CHD9: variants seen among roughly 807,000 people sequenced by gnomAD.
CHD9 encodes ATP-dependent chromatin remodeler CHD9.
In CHD9, 77 loss-of-function variants were observed where a neutral mutation model predicts 316.1. That is an observed-to-expected ratio of 0.24 (90% CI 0.20 to 0.29). CHD9 has a LOEUF of 0.29. Ranked by LOEUF, CHD9 falls within the 10% of genes least tolerant of loss-of-function variation. The pLI, the probability that CHD9 is intolerant of heterozygous loss-of-function variation, is 1.00. For missense variants in CHD9, 2,763 were observed against 3,438.1 expected, an observed-to-expected ratio of 0.80 and a Z score of 4.91; for synonymous variants, 1,129 against 1,158.3, an observed-to-expected ratio of 0.97 and a Z score of 0.51.
intron 19 of CHD9, among the ~76,000 whole-genome samples, chr16:53,257,749 T>G (rs1031998882): frequency 2.6e-5 from 4 of 151,970 alleles, no homozygotes. Flanking sequence ...TAGTAGAGAA[T>G]AAATCAGAAA....
intron 2 of CHD9, among the ~76,000 whole-genome samples, chr16:53,174,157 A>G (rs767817207): frequency 3.3e-5 from 5 of 152,114 alleles, no homozygotes; most frequent in African/African-American, 4.8e-5. Flanking sequence ...GGTGGCATGC[A>G]CCTGTAGTCC....
At chr16:53,202,530 ACTC>A (rs1346489705) in intron 2 of CHD9, among the ~76,000 whole-genome samples, 3 of 150,984 alleles carry the variant, frequency 2.0e-5, no homozygotes, top group Non-Finnish European at 4.4e-5. Context: ...AGTTTCCTAC[ACTC>A]TGGATTTTAC....
intron 1 of CHD9, among the ~76,000 whole-genome samples, chr16:53,122,855 C>T (rs1455291906): frequency 1.2e-4 from 18 of 151,728 alleles, no homozygotes; most frequent in Middle Eastern, 3.4e-3. Flanking sequence ...TATAGGCGCC[C>T]GCTACCACGC....
At chr16:53,102,394 T>G (rs1237129199) in intron 1 of CHD9, among the ~76,000 whole-genome samples, 2 of 152,020 alleles carry the variant, frequency 1.3e-5, no homozygotes. Context: ...AGTAAGATTT[T>G]TTCATAGTGC....
chr16:53,143,724 C>T (rs998905066), intron 1 of CHD9, among the ~76,000 whole-genome samples: 8 of 152,204 alleles, frequency 5.3e-5, no homozygotes, highest in Non-Finnish European at 1.0e-4. Flanking sequence ...AATAAAACAC[C>T]TAAGGATTTG....
At chr16:53,299,620 C>A in intron 30 of CHD9, 1 of 390,564 alleles carries the variant, frequency 2.6e-6, no homozygotes, top group South Asian at 2.2e-5. Context: ...AACAATGTGT[C>A]AAAATTGAGC....
rs1204092945 is a variant in CHD9, at chr16:53,130,928, G to C, written c.-164-24998G>C. The C allele has an allele frequency of 2.0e-5, 3 of 152,176 alleles. No homozygotes were observed. In the East Asian group the frequency reaches 5.9e-4, roughly 30 times the overall value. The allele number at this position is 152,176 out of a possible 1,614,324, so 9.4% of individuals were successfully genotyped here. A position where few individuals can be genotyped will look rare whatever the true frequency, so the allele number is the denominator to read the frequency against. On this transcript the variant is annotated intron_variant, in intron 1 of 38. Coordinates refer to ENST00000447540, the MANE Select transcript of CHD9 (RefSeq NM_001308319.2). ...GGAGTGCCGCTCGCAGGGGCTGGTGGGGTCGCGCTGGGGGAGTGAACTGGG... is the reference window on the plus strand; with the variant it reads ...GGAGTGCCGCTCGCAGGGGCTGGTGCGGTCGCGCTGGGGGAGTGAACTGGG...
In CHD9 at chr16:53,092,979, A is replaced by G. The variant is rs372882695; in HGVS notation, c.-165+37902A>G. Among the ~76,000 whole-genome samples the G allele has an allele frequency of 1.8e-4, 28 of 152,258 alleles. No homozygotes were observed. The East Asian group carries it at 2.9e-3, about 16-fold the overall frequency. ...TTCTTTGTAAAAATGGGGTCTCACTATGTCGCCAGGGCTGGTCTCAAACTC... is the reference window on the plus strand; with the variant it reads ...TTCTTTGTAAAAATGGGGTCTCACTGTGTCGCCAGGGCTGGTCTCAAACTC... On this transcript the variant is annotated intron_variant, in intron 1 of 38. Coordinates refer to ENST00000447540, the MANE Select transcript of CHD9 (RefSeq NM_001308319.2).
chr16:53,132,921 A>G (rs1168811384), intron 1 of CHD9, among the ~76,000 whole-genome samples: 1 of 149,188 alleles, frequency 6.7e-6, no homozygotes, highest in Non-Finnish European at 1.5e-5. Flanking sequence ...CAGTTCTCCA[A>G]CCTCAGCCTC....
At chr16:53,158,016 C>T (rs1249325670) in intron 2 of CHD9, among the ~76,000 whole-genome samples, 1 of 151,892 alleles carries the variant, frequency 6.6e-6, no homozygotes, top group African/African-American at 2.4e-5. Context: ...AATTAGTAAA[C>T]AAAACCAGAA....
intron 1 of CHD9, among the ~76,000 whole-genome samples, chr16:53,131,482 C>T (rs1232463460): frequency 6.7e-6 from 1 of 148,316 alleles, no homozygotes; most frequent in African/African-American, 2.4e-5. Context: ...GCCCAGCCCG[C>T]CCGCGGCCCG....
rs2153124537 is a variant in CHD9, at chr16:53,324,730, A to G, written c.8529A>G (p.Lys2843=). ...DLGSSKSVEV[K]EEDSRIKDQE... ...GCTCGTCTAAGTCTGTAGAAGTAAA[A>G]GAAGAAGATTCCAGAATTAAAGATC... The change falls in exon 39 of 39, where the codon AAA becomes AAG. Residue 2843 remains lysine, a synonymous_variant. Coordinates refer to ENST00000447540, the MANE Select transcript of CHD9 (RefSeq NM_001308319.2). 6.2e-7 allele frequency: 1 copy of G among 1,613,462 alleles called. No homozygotes were observed. The highest frequency in any genetic ancestry group is 8.5e-7 in the Non-Finnish European group (1 of 1,179,662).
chr16:53,226,630 A>G, intron 5 of CHD9, 118 bp downstream of exon 5: 1 of 1,085,220 alleles, frequency 9.2e-7, no homozygotes, highest in African/African-American at 1.6e-5. Flanking sequence ...ATTCCATATT[A>G]TTAGTTAATT....
intron 1 of CHD9, among the ~76,000 whole-genome samples, chr16:53,094,091 C>G (rs1044165451): frequency 2.0e-5 from 3 of 152,192 alleles, no homozygotes; most frequent in Admixed American, 6.5e-5. Context: ...TGACAGCAGG[C>G]AGCTCTGCTG....
intron 1 of CHD9, among the ~76,000 whole-genome samples, chr16:53,155,723 A>C (rs548511235): frequency 1.3e-5 from 2 of 152,248 alleles, no homozygotes; most frequent in East Asian, 3.9e-4. Context: ...CCACCATGCC[A>C]CCAGCTCTAG....
Position 53,245,688 on chromosome 16 carries a change from A to G in CHD9, c.3292A>G (p.Ile1098Val), listed in dbSNP as rs1174239126. 2 of 1,609,170 alleles carry G rather than the reference A, an allele frequency of 1.2e-6. No homozygotes were observed. The highest frequency in any genetic ancestry group is 1.7e-5 in the Admixed American group (1 of 58,946). The change falls in exon 15 of 39, where the codon ATT becomes GTT. Residue 1098 changes from isoleucine to valine, a missense_variant. By Grantham distance (29) the Ile-to-Val change is conservative. This residue lies in a region of CHD9 where 155 missense variants were observed against 291.8 expected (regional missense o/e 0.53). Transcript: ENST00000447540. This position sits in a 1 kb window ranked among gnomAD's most constrained non-coding sequence, Gnocchi z 4.1. Reference sequence around the variant, plus strand: ...GTTGGCACCTAAAGAAGAAACCATCATTGAAGTAGAACTTACTAATATTCA... The same window carrying G: ...GTTGGCACCTAAAGAAGAAACCATCGTTGAAGTAGAACTTACTAATATTCA... The part of the protein sequence containing the change: ...KKLAPKEETI[I>V]EVELTNIQKK...
At position 53,242,846 on chromosome 16, in the gene CHD9, A is replaced by T; in HGVS notation, c.2884A>T (p.Ile962Phe). ...EMYFRDSQGR[I>F]IRGAYRFQAI... ...TATATTTGATCATTTCTAGGGGCGT[A>T]TCATTCGAGGAGCTTACAGATTCCA... Residue 962 changes from isoleucine (I) to phenylalanine (F), a missense_variant, in exon 13 of 39, where the codon ATC becomes TTC. Physicochemically the swap from Ile to Phe is conservative, Grantham distance 21. Transcript: ENST00000447540. 1 of 1,612,124 alleles carries T rather than the reference A, an allele frequency of 6.2e-7. No homozygotes were observed. The highest frequency in any genetic ancestry group is 2.2e-5 in the East Asian group (1 of 44,796).
At chr16:53,323,256 A>G (rs1349262613) in intron 38 of CHD9, among the ~76,000 whole-genome samples, 2 of 152,224 alleles carry the variant, frequency 1.3e-5, no homozygotes, top group African/African-American at 2.4e-5. Flanking sequence ...TAAATAGACT[A>G]TTACTAAAAT....
chr16:53,121,551 C>A, intron 1 of CHD9: 1 of 390,798 alleles, frequency 2.6e-6, no homozygotes. Flanking sequence ...CTTGGAGACT[C>A]TAAGACCTGA....
Sources: gnomAD v4.1 joint callset for allele counts (sites outside exome capture counted in the v4.1 genomes callset) on GRCh38, gnomAD v4.1.1 for gene constraint, gnomAD v4.1.1 regional missense constraint, Gnocchi (gnomAD v3.1) non-coding constraint, MANE v1.5 for transcripts, NCBI Gene and HGNC (gene_info 2026-07-23, HGNC 2026-07-21) for gene names.